EPHA3: variants seen among roughly 807,000 people sequenced by gnomAD.
The protein encoded by EPHA3 is EPH receptor A3.
A neutral mutation model predicts 107.1 loss-of-function variants in EPHA3; 42 were observed. That is an observed-to-expected ratio of 0.39 (90% CI 0.31 to 0.51). The LOEUF (loss-of-function observed/expected upper bound fraction) is 0.51, where lower values mean the gene tolerates loss of function less well. Among genes scored for constraint, EPHA3 ranks in the 20% least tolerant of loss-of-function variants. EPHA3 has a pLI of 0.78. For synonymous variants in EPHA3, 461 were observed against 424.8 expected, an observed-to-expected ratio of 1.09 and a Z score of -1.05; for missense variants, 1,183 against 1,211.2, an observed-to-expected ratio of 0.98 and a Z score of 0.35.
chr3:89,362,908 G>C (rs1708122119), intron 5 of EPHA3, among the ~76,000 whole-genome samples: 1 of 150,976 alleles, frequency 6.6e-6, no homozygotes, highest in African/African-American at 2.4e-5. Flanking sequence ...ATAGTCTGGT[G>C]TATGTTTCAA....
chr3:89,302,294 T>G (rs1706510538), intron 3 of EPHA3, among the ~76,000 whole-genome samples: 1 of 152,168 alleles, frequency 6.6e-6, no homozygotes, highest in African/African-American at 2.4e-5. Context: ...GGTGACATGG[T>G]TTTCCCTACT....
At chr3:89,183,564 G>A (rs567577022) in intron 2 of EPHA3, among the ~76,000 whole-genome samples, 2 of 151,748 alleles carry the variant, frequency 1.3e-5, no homozygotes, top group Non-Finnish European at 2.9e-5. Flanking sequence ...ATTGCCTAAA[G>A]TTCTGAAGTA....
At chr3:89,190,517 C>T (rs1381668264) in intron 2 of EPHA3, among the ~76,000 whole-genome samples, 2 of 152,138 alleles carry the variant, frequency 1.3e-5, no homozygotes, top group African/African-American at 2.4e-5. Flanking sequence ...CTAAAGACCA[C>T]AGACTGGGTG....
At chr3:89,447,831 A>G (rs1486641526) in intron 13 of EPHA3, among the ~76,000 whole-genome samples, 1 of 152,260 alleles carries the variant, frequency 6.6e-6, no homozygotes, top group East Asian at 1.9e-4. Flanking sequence ...CTGCACAACA[A>G]GGCTTAGAAA....
At chr3:89,311,712 A>G (rs1440818342) in intron 3 of EPHA3, among the ~76,000 whole-genome samples, 17 of 152,048 alleles carry the variant, frequency 1.1e-4, no homozygotes, top group Admixed American at 7.2e-4. Flanking sequence ...GTCTTTCTTC[A>G]GCAAATGCCA....
intron 3 of EPHA3, among the ~76,000 whole-genome samples, chr3:89,313,044 G>A (rs137859615): frequency 0.012 from 1,827 of 151,900 alleles, 22 homozygotes; most frequent in African/African-American, 0.038. Context: ...TGCAGTGAAC[G>A]TATGTGTGCA....
intron 3 of EPHA3, among the ~76,000 whole-genome samples, chr3:89,256,246 C>G (rs35532963): frequency 0.24 from 36,998 of 151,254 alleles, 4,968 homozygotes; most frequent in African/African-American, 0.38. Flanking sequence ...GTGAGACTCT[C>G]TCTCAAAAAA....
intron 3 of EPHA3, among the ~76,000 whole-genome samples, chr3:89,261,963 A>G (rs1054742093): frequency 5.9e-5 from 9 of 151,936 alleles, no homozygotes; most frequent in Admixed American, 5.9e-4. Context: ...TTATAGCATT[A>G]TTAGTAAAAT....
At chr3:89,425,807 T>C (rs1386574468) in intron 11 of EPHA3, among the ~76,000 whole-genome samples, 2 of 151,592 alleles carry the variant, frequency 1.3e-5, no homozygotes, top group African/African-American at 4.8e-5. Flanking sequence ...AAATAGCTGG[T>C]GCTGAATCTG....
At position 89,472,585 on chromosome 3, in the gene EPHA3, A is replaced by G. The variant is rs754599782; in HGVS notation, c.2812A>G (p.Ser938Gly). The change falls in exon 16 of 17, where the codon AGT (serine) becomes GGT (glycine). Residue 938 changes from serine (S) to glycine (G), a missense_variant. Coordinates refer to ENST00000336596, the MANE Select transcript of EPHA3 (RefSeq NM_005233.6). ...GGAAATCTTCACGGGTGTGGAGTAC[A>G]GTTCTTGTGACACAATAGCCAAGAT... ...CKEIFTGVEY[S>G]SCDTIAKIST... 3 of 1,613,226 alleles carry G rather than the reference A, an allele frequency of 1.9e-6. No individual in the cohort carries two copies. Among genetic ancestry groups the G allele is most frequent in the African/African-American group, 2.7e-5 (2 of 74,926 alleles).
chr3:89,213,195 C>T (rs1411689122), intron 3 of EPHA3, among the ~76,000 whole-genome samples: 2 of 151,988 alleles, frequency 1.3e-5, no homozygotes, highest in Non-Finnish European at 2.9e-5. Flanking sequence ...TGTGAATGAA[C>T]TCAGAAGCAT....
intron 2 of EPHA3, among the ~76,000 whole-genome samples, chr3:89,131,915 C>T (rs13315867): frequency 0.23 from 35,443 of 152,050 alleles, 4,262 homozygotes; most frequent in Middle Eastern, 0.32. Flanking sequence ...CGATATTGTT[C>T]AAGTTTTCAC....
chr3:89,393,159 G>T (rs1708779477), intron 5 of EPHA3, among the ~76,000 whole-genome samples: 1 of 152,096 alleles, frequency 6.6e-6, no homozygotes, highest in Non-Finnish European at 1.5e-5. Context: ...GACTTATTAG[G>T]GGTCCAAAAG....
At chr3:89,188,690 A>T (rs1354077962) in intron 2 of EPHA3, among the ~76,000 whole-genome samples, 1 of 152,104 alleles carries the variant, frequency 6.6e-6, no homozygotes, top group Non-Finnish European at 1.5e-5. Flanking sequence ...TATCCAAGAT[A>T]CTTCTATATT....
chr3:89,135,403 T>C (rs1439245502), intron 2 of EPHA3, among the ~76,000 whole-genome samples: 2 of 152,166 alleles, frequency 1.3e-5, no homozygotes, highest in African/African-American at 4.8e-5. Flanking sequence ...CATGAAATTC[T>C]CCCTTAACTC....
At chr3:89,210,937 A>G (rs1313979130) in intron 3 of EPHA3, among the ~76,000 whole-genome samples, 1 of 152,114 alleles carries the variant, frequency 6.6e-6, no homozygotes, top group Non-Finnish European at 1.5e-5. Context: ...GTGCTCATCT[A>G]TCTCATAGCA....
intron 1 of EPHA3, among the ~76,000 whole-genome samples, chr3:89,109,140 A>G (rs1707040956): frequency 1.3e-5 from 2 of 152,232 alleles, no homozygotes; most frequent in African/African-American, 4.8e-5. Flanking sequence ...GCCTTTATCA[A>G]TTTGGCAGTT....
At chr3:89,407,459 A>C in intron 8 of EPHA3, 88 bp downstream of exon 8, 1 of 1,039,196 alleles carries the variant, frequency 9.6e-7, no homozygotes, top group Non-Finnish European at 1.5e-6. Flanking sequence ...GAGTGTGCTC[A>C]ATAAAATATT....
At chr3:89,113,871 G>A (rs1168981819) in intron 1 of EPHA3, among the ~76,000 whole-genome samples, 2 of 152,084 alleles carry the variant, frequency 1.3e-5, no homozygotes, top group South Asian at 2.1e-4. Context: ...CCCTTTGAAT[G>A]TCTGGACGAA....
Sources: gnomAD v4.1 joint callset for allele counts (sites outside exome capture counted in the v4.1 genomes callset) on GRCh38, gnomAD v4.1.1 for gene constraint, MANE v1.5 for transcripts, NCBI Gene and HGNC (gene_info 2026-07-23, HGNC 2026-07-21) for gene names.